NDST4: variants seen among roughly 807,000 people sequenced by gnomAD.
NDST4 encodes the protein N-deacetylase and N-sulfotransferase 4.
Under a neutral mutation model 100.8 loss-of-function variants are expected in NDST4, and 63 were observed. The ratio of observed to expected loss-of-function variants is 0.62; its 90% CI spans 0.51 to 0.77. The LOEUF (loss-of-function observed/expected upper bound fraction) is 0.77, where lower values mean the gene tolerates loss of function less well. NDST4 is among the 30% of genes least tolerant of loss of function. NDST4 has a pLI of 0.00. For synonymous variants in NDST4, 377 were observed against 361.8 expected (o/e 1.04, Z -0.48); for missense variants, 943 against 1,018.4 (o/e 0.93, Z 1.01).
At chr4:115,063,787 C>T (rs1363734834) in intron 2 of NDST4, among the ~76,000 whole-genome samples, 6 of 151,828 alleles carry the variant, frequency 4.0e-5, no homozygotes, top group Admixed American at 3.3e-4. Context: ...TAAAAGATTG[C>T]TTTTTTACCT....
intron 2 of NDST4, among the ~76,000 whole-genome samples, chr4:115,062,934 C>A (rs1210056676): frequency 6.6e-6 from 1 of 151,732 alleles, no homozygotes; most frequent in Non-Finnish European, 1.5e-5. Flanking sequence ...TATATAAATT[C>A]AAATTTAAAA....
rs35181627 is a variant in NDST4, at chr4:115,077,002, C to T, written c.35G>A (p.Arg12Gln). 2.0e-3 allele frequency: 3,197 copies of T among 1,604,808 alleles called. 57 individuals carry two copies. The African/African-American group carries it at 0.038, about 19-fold the overall frequency. Reference sequence around the variant, plus strand: ...GGTAGCTAAGAGAACAATCAATGTTCGAAAACTTCTCCGAAGTTTCACAAT... The same window carrying T: ...GGTAGCTAAGAGAACAATCAATGTTTGAAAACTTCTCCGAAGTTTCACAAT... ...NLIVKLRRSFRTLIVLLATFC... is the reference protein window; with the variant it reads ...NLIVKLRRSFQTLIVLLATFC... Residue 12 changes from arginine to glutamine, a missense_variant, in exon 2 of 14, where the codon CGA (arginine) becomes CAA (glutamine). Coordinates refer to ENST00000264363, the MANE Select transcript of NDST4 (RefSeq NM_022569.3).
At chr4:114,923,168 T>A (rs1468325976) in intron 6 of NDST4, among the ~76,000 whole-genome samples, 2 of 152,232 alleles carry the variant, frequency 1.3e-5, no homozygotes, top group African/African-American at 4.8e-5. Flanking sequence ...ATATCATATC[T>A]GCATATTAGC....
At chr4:114,848,715 T>C (rs974458320) in intron 8 of NDST4, among the ~76,000 whole-genome samples, 1 of 152,212 alleles carries the variant, frequency 6.6e-6, no homozygotes, top group Non-Finnish European at 1.5e-5. Context: ...GTATCTTACC[T>C]GGTGGGTCTT....
intron 2 of NDST4, among the ~76,000 whole-genome samples, chr4:115,055,251 T>C (rs1728668810): frequency 6.6e-6 from 1 of 152,072 alleles, no homozygotes; most frequent in African/African-American, 2.4e-5. Context: ...TGGTAACGTG[T>C]ATAATTATTT....
chr4:114,848,269 G>A lies in NDST4; in HGVS notation c.1886C>T (p.Thr629Ile). Residue 629 changes from threonine (T) to isoleucine (I), a missense_variant, in exon 9 of 14, where the codon ACA (threonine) becomes ATA (isoleucine). Coordinates refer to ENST00000264363, the MANE Select transcript of NDST4 (RefSeq NM_022569.3). ...SIISNLPSPK[T>I]FEEVQFFNGN... ...ATTAAAGAACTGAACTTCCTCAAAT[G>A]TCTTTGGACTAGGGAGATTGCTGAT... The A allele has an allele frequency of 6.2e-7, 1 of 1,610,746 alleles. No individual in the cohort carries two copies. The highest frequency in any genetic ancestry group is 8.5e-7 in the Non-Finnish European group (1 of 1,178,110).
intron 2 of NDST4, among the ~76,000 whole-genome samples, chr4:115,013,069 G>C (rs926206471): frequency 2.0e-5 from 3 of 148,160 alleles, no homozygotes; most frequent in African/African-American, 7.7e-5. Flanking sequence ...GGGGTACTGG[G>C]TGGGGGTAGG....
chr4:115,028,161 A>T (rs1044212995), intron 2 of NDST4, among the ~76,000 whole-genome samples: 51 of 152,218 alleles, frequency 3.4e-4, no homozygotes, highest in African/African-American at 1.1e-3. Context: ...ACATTCAAGG[A>T]GGTATTTAAG....
intron 9 of NDST4, 71 bp from the exon 10 acceptor site, chr4:114,846,068 T>C (rs1723543243): frequency 1.8e-6 from 2 of 1,129,740 alleles, no homozygotes; most frequent in Non-Finnish European, 2.5e-6. Context: ...TGTGAAATAA[T>C]TGGAACATTT....
chr4:115,037,949 G>A (rs890889522), intron 2 of NDST4, among the ~76,000 whole-genome samples: 2 of 152,148 alleles, frequency 1.3e-5, no homozygotes. Flanking sequence ...TCACAGGTGA[G>A]TTCTATGTAA....
At chr4:114,869,066 C>T (rs187487291) in intron 7 of NDST4, among the ~76,000 whole-genome samples, 10 of 151,154 alleles carry the variant, frequency 6.6e-5, no homozygotes, top group Admixed American at 2.6e-4. Context: ...GCACTGTATT[C>T]TATATTTAAC....
intron 2 of NDST4, among the ~76,000 whole-genome samples, chr4:115,041,058 C>T (rs567174135): frequency 1.3e-5 from 2 of 151,974 alleles, no homozygotes; most frequent in Admixed American, 6.6e-5. Context: ...TAAAGGTATT[C>T]CAGCTATTAA....
intron 2 of NDST4, among the ~76,000 whole-genome samples, chr4:114,986,832 A>ATATATATATATATTTTTTT: frequency 3.4e-4 from 32 of 94,656 alleles, no homozygotes; most frequent in Non-Finnish European, 5.6e-4. Context: ...ATATATATAT[A>ATATATATATATATTTTTTT]TTTTAATATA....
chr4:114,911,073 C>T (rs535757115), intron 6 of NDST4, among the ~76,000 whole-genome samples: 116 of 152,218 alleles, frequency 7.6e-4, no homozygotes, highest in African/African-American at 2.5e-3. Flanking sequence ...TGAATCAGAT[C>T]CCTAGTCAAA....
intron 1 of NDST4, among the ~76,000 whole-genome samples, chr4:115,092,923 G>GA (rs1311083396): frequency 2.6e-5 from 4 of 152,074 alleles, no homozygotes; most frequent in Non-Finnish European, 5.9e-5. Flanking sequence ...CAGATTGACT[G>GA]AAAAAATCCA....
At chr4:114,951,440 TC>T (rs1307854661) in intron 4 of NDST4, among the ~76,000 whole-genome samples, 1 of 152,078 alleles carries the variant, frequency 6.6e-6, no homozygotes, top group Non-Finnish European at 1.5e-5. Context: ...TCATGCATCA[TC>T]AACCTCTTAT....
At chr4:114,894,149 G>T (rs1418150227) in intron 6 of NDST4, among the ~76,000 whole-genome samples, 1 of 152,166 alleles carries the variant, frequency 6.6e-6, no homozygotes, top group African/African-American at 2.4e-5. Context: ...TAGCCTTGTA[G>T]TATAGTCTGA....
At chr4:114,848,838 C>T (rs1723613593) in intron 8 of NDST4, among the ~76,000 whole-genome samples, 1 of 152,138 alleles carries the variant, frequency 6.6e-6, no homozygotes, top group African/African-American at 2.4e-5. Context: ...ATTTGCTGCC[C>T]TCAATGAACT....
chr4:114,913,204 A>G (rs939674550), intron 6 of NDST4, among the ~76,000 whole-genome samples: 4 of 152,054 alleles, frequency 2.6e-5, no homozygotes, highest in African/African-American at 9.7e-5. Context: ...TGTATGTTAA[A>G]TATTGACATT....
Sources: allele counts gnomAD v4.1 joint callset (sites outside exome capture counted in the v4.1 genomes callset), GRCh38; gene constraint gnomAD v4.1.1; transcripts MANE v1.5; gene names NCBI Gene and HGNC (gene_info 2026-07-23, HGNC 2026-07-21).